PPTC7: variants seen among roughly 807,000 people sequenced by gnomAD.
PPTC7 encodes protein phosphatase PTC7 homolog.
Under a neutral mutation model 30.8 loss-of-function variants are expected in PPTC7, and 6 were observed. That is an observed-to-expected ratio of 0.19 (90% CI 0.11 to 0.38). PPTC7 has a LOEUF of 0.38. Ranked by LOEUF, PPTC7 falls within the 10% of genes least tolerant of loss-of-function variation. The pLI is 1.00. For synonymous variants in PPTC7, 163 were observed against 168.1 expected (o/e 0.97, Z 0.23); for missense variants, 218 against 404.8 (o/e 0.54, Z 3.96).
In PPTC7 at chr12:110,543,117, C is replaced by A. The variant is rs180952144; in HGVS notation, c.602+2763G>T. Among the ~76,000 whole-genome samples the A allele has an allele frequency of 3.9e-3, 596 of 152,312 alleles. 7 individuals are homozygous for A. Among genetic ancestry groups the A allele is most frequent in the South Asian group, 6.6e-3 (32 of 4,832 alleles). On this transcript the variant is annotated intron_variant, in intron 3 of 5. Transcript: ENST00000354300. Reference sequence around the variant, plus strand: ...AAGCACCCTAAGCTCCACGGAAAAACCCCAACACTTGTGTAAGCAACATGT... The same window carrying A: ...AAGCACCCTAAGCTCCACGGAAAAAACCCAACACTTGTGTAAGCAACATGT...
At chr12:110,538,533 G>C (rs1232498217) in intron 4 of PPTC7, among the ~76,000 whole-genome samples, 2 of 152,140 alleles carry the variant, frequency 1.3e-5, no homozygotes, top group East Asian at 1.9e-4. Flanking sequence ...AGGTATTCTT[G>C]CTAAAATAGG....
intron 3 of PPTC7, among the ~76,000 whole-genome samples, chr12:110,542,053 G>A: frequency 6.6e-6 from 1 of 152,078 alleles, no homozygotes; most frequent in East Asian, 1.9e-4. Context: ...GGCCGACACA[G>A]GAGAATCACT....
At chr12:110,545,560 A>T (rs1390652664) in intron 3 of PPTC7, among the ~76,000 whole-genome samples, 1 of 152,178 alleles carries the variant, frequency 6.6e-6, no homozygotes, top group African/African-American at 2.4e-5. Context: ...ATGAACAATG[A>T]CTCATTTCTC....
chr12:110,582,328 C>T (rs575372395), intron 1 of PPTC7, among the ~76,000 whole-genome samples: 1 of 152,336 alleles, frequency 6.6e-6, no homozygotes, highest in South Asian at 2.1e-4. Context: ...TACGGCCGGG[C>T]TGTCTGGGGG....
In PPTC7 at chr12:110,536,751, C is replaced by T. The variant is rs1046989743; in HGVS notation, c.*286G>A. 13 of 383,556 alleles carry T rather than the reference C, an allele frequency of 3.4e-5. No individual in the cohort carries two copies. The highest frequency in any genetic ancestry group is 2.3e-4 in the African/African-American group (11 of 48,598). 23.8% of individuals were successfully genotyped at this position (383,556 alleles called of 1,614,324 possible). ...CAACTACTTTGAAAAGTAACAGCCA[C>T]GGTGGCACTGAACACCTCCATCCCC... On this transcript the variant is annotated 3_prime_UTR_variant, in exon 6 of 6. Transcript: ENST00000354300.
At chr12:110,542,940 T>C (rs2064273961) in intron 3 of PPTC7, among the ~76,000 whole-genome samples, 1 of 152,078 alleles carries the variant, frequency 6.6e-6, no homozygotes, top group Non-Finnish European at 1.5e-5. Context: ...CTGAGGCTGG[T>C]TCTTGGCGAC....
intron 1 of PPTC7, among the ~76,000 whole-genome samples, chr12:110,566,151 T>C (rs2064481277): frequency 3.1e-5 from 1 of 31,836 alleles, no homozygotes; most frequent in African/African-American, 1.5e-4. Flanking sequence ...GTGCAGAGCT[T>C]ACGGCATTTA....
chr12:110,541,052 G>A (rs2135760230), intron 3 of PPTC7, among the ~76,000 whole-genome samples: 1 of 151,332 alleles, frequency 6.6e-6, no homozygotes, highest in South Asian at 2.1e-4. Flanking sequence ...TGGGATAACA[G>A]GCGTGAGCCA....
At chr12:110,581,564 T>G (rs745350386) in intron 1 of PPTC7, among the ~76,000 whole-genome samples, 2 of 152,240 alleles carry the variant, frequency 1.3e-5, no homozygotes, top group Admixed American at 6.5e-5. Context: ...CCCTCTCATG[T>G]TAATATCAAT....
At chr12:110,578,018 C>T (rs879860014) in intron 1 of PPTC7, among the ~76,000 whole-genome samples, 6 of 152,012 alleles carry the variant, frequency 3.9e-5, no homozygotes, top group Non-Finnish European at 5.9e-5. Flanking sequence ...AGTGGTCTAA[C>T]GGGGACAGGA....
chr12:110,564,852 G>A lies in PPTC7; in HGVS notation c.224-12884C>T, dbSNP rs1459026895. On this transcript the variant is annotated intron_variant, in intron 1 of 5. Transcript: ENST00000354300. The stretch of plus-strand genomic sequence containing the variant: ...ACATACACGTTATATATATATACAC[G>A]TATATGTATATGTGTATATATACAT... Among the ~76,000 whole-genome samples, 3 of 130,350 alleles carry A rather than the reference G, an allele frequency of 2.3e-5. No homozygotes were observed. The South Asian group carries it at 7.3e-4, about 32-fold the overall frequency. The allele number at this position is 130,350 out of a possible 152,430, so 85.5% of individuals were successfully genotyped here.
chr12:110,571,029 T>C (rs983268877), intron 1 of PPTC7, among the ~76,000 whole-genome samples: 1 of 152,282 alleles, frequency 6.6e-6, no homozygotes, highest in Admixed American at 6.5e-5. Flanking sequence ...GTGGGGCTTT[T>C]CTCTAGGGTG....
chr12:110,582,607 T>G (rs1565930965), intron 1 of PPTC7, among the ~76,000 whole-genome samples: 1 of 152,164 alleles, frequency 6.6e-6, no homozygotes, highest in Non-Finnish European at 1.5e-5. Flanking sequence ...CGCCTTAGTT[T>G]CCTCCTCTCT....
intron 1 of PPTC7, among the ~76,000 whole-genome samples, chr12:110,569,307 T>C (rs1336906341): frequency 1.3e-5 from 2 of 152,004 alleles, no homozygotes; most frequent in East Asian, 3.9e-4. Context: ...CCCTCCAGCC[T>C]GGGCGACAGA....
intron 2 of PPTC7, among the ~76,000 whole-genome samples, chr12:110,549,978 A>G (rs954295094): frequency 2.6e-5 from 4 of 152,206 alleles, no homozygotes; most frequent in Non-Finnish European, 5.9e-5. Context: ...AATAGCATCT[A>G]GAATGTTTCA....
intron 1 of PPTC7, among the ~76,000 whole-genome samples, chr12:110,581,386 C>G (rs1237816230): frequency 6.6e-6 from 1 of 151,966 alleles, no homozygotes; most frequent in Middle Eastern, 3.2e-3. Context: ...TGCACTCCAG[C>G]CTGAGTGACA....
chr12:110,563,737 G>C (rs1006930782), intron 1 of PPTC7, among the ~76,000 whole-genome samples: 5 of 152,162 alleles, frequency 3.3e-5, no homozygotes, highest in Admixed American at 3.3e-4. Context: ...GCTATTCCTT[G>C]CTAGCTTAGT....
intron 1 of PPTC7, among the ~76,000 whole-genome samples, chr12:110,581,992 C>A (rs1324686785): frequency 6.6e-6 from 1 of 152,198 alleles, no homozygotes; most frequent in African/African-American, 2.4e-5. Context: ...AAGTTTCTGA[C>A]TGCTTGTGAA....
Position 110,540,900 on chromosome 12 carries a change from C to T in PPTC7, c.603-955G>A, listed in dbSNP as rs555311229. The stretch of plus-strand genomic sequence containing the variant: ...ACGCCATTCTCCTGGCGCAGCCTCC[C>T]GAGTAGCTGGGACTACAGGTGCCCG... On this transcript the variant is annotated intron_variant, in intron 3 of 5. Transcript: ENST00000354300. Among the ~76,000 whole-genome samples the T allele has an allele frequency of 7.2e-5, 11 of 151,874 alleles. No homozygotes were observed. The East Asian group carries it at 9.9e-4, about 14-fold the overall frequency.
Sources: gnomAD v4.1 joint callset for allele counts (sites outside exome capture counted in the v4.1 genomes callset) on GRCh38, gnomAD v4.1.1 for gene constraint, MANE v1.5 for transcripts, NCBI Gene and HGNC (gene_info 2026-07-23, HGNC 2026-07-21) for gene names.